Variants in LAMA1 observed in about 807,000 individuals in gnomAD.
LAMA1 encodes laminin subunit alpha 1.
In LAMA1, 219 loss-of-function variants were observed where a neutral mutation model predicts 348.7. The ratio of observed to expected loss-of-function variants is 0.63; its 90% CI spans 0.56 to 0.70. LAMA1 has a LOEUF of 0.70. LAMA1 is among the 30% of genes least tolerant of loss of function. The pLI is 0.00. For synonymous variants in LAMA1, 1,487 were observed against 1,491.0 expected, an observed-to-expected ratio of 1.00 and a Z score of 0.06; for missense variants, 3,744 against 3,888.0, an observed-to-expected ratio of 0.96 and a Z score of 0.99.
In LAMA1 at chr18:7,000,397, C is replaced by T. The variant is rs73938536; in HGVS notation, c.4383-400G>A. ...ATGAAAAACAGCAGAGGGAAGATGG[C>T]TGAACACACGCTGACGAAAAGAACT... On this transcript the variant is annotated intron_variant, in intron 30 of 62. Transcript: ENST00000389658. Among the ~76,000 whole-genome samples, 819 of 152,318 alleles carry T rather than the reference C, an allele frequency of 5.4e-3. 10 individuals carry two copies. Among genetic ancestry groups the T allele is most frequent in the African/African-American group, 0.019 (784 of 41,560 alleles).
At chr18:7,025,748 C>T (rs954106236) in intron 17 of LAMA1, among the ~76,000 whole-genome samples, 4 of 152,164 alleles carry the variant, frequency 2.6e-5, no homozygotes, top group East Asian at 1.9e-4. Flanking sequence ...AGAGGGAAAA[C>T]GGCGTGTATA....
intron 8 of LAMA1, 109 bp from the exon 9 acceptor site, chr18:7,042,359 T>C: frequency 2.7e-6 from 2 of 727,846 alleles, no homozygotes; most frequent in Admixed American, 2.0e-5. Flanking sequence ...ACTATTACGA[T>C]GATTTTGTGC....
chr18:7,069,342 C>G (rs1045021712), intron 3 of LAMA1, among the ~76,000 whole-genome samples: 9 of 152,200 alleles, frequency 5.9e-5, no homozygotes, highest in Non-Finnish European at 1.2e-4. Flanking sequence ...AAGCTCTTCA[C>G]CTCACCTAAA....
Position 6,999,595 on chromosome 18 carries a change from T to C in LAMA1, c.4513A>G (p.Ser1505Gly), listed in dbSNP as rs1287671145. Residue 1505 changes from serine to glycine, a missense_variant, in exon 32 of 63, where the codon AGT becomes GGT. This residue lies in a region of LAMA1 where 1,983 missense variants were observed against 1,934.3 expected (regional missense o/e 1.03). Transcript: ENST00000389658. ...GGGTTGCAGTCACACTTCTGGCAAC[T>C]GCCACCTGGTGTTTGAGGGTTCCCA... ...YYGNPQTPGG[S>G]CQKCDCNPHG... The C allele has an allele frequency of 1.2e-6, 2 of 1,613,736 alleles. No homozygotes were observed. Among genetic ancestry groups the C allele is most frequent in the East Asian group, 2.2e-5 (1 of 44,828 alleles).
At chr18:7,002,190 A>AC in intron 30 of LAMA1, 74 bp downstream of exon 30, 1 of 1,582,194 alleles carries the variant, frequency 6.3e-7, no homozygotes, top group South Asian at 1.1e-5. Context: ...CCACTCAGAG[A>AC]CCCTTGAAAA....
At chr18:7,083,280 G>C (rs1478377220) in intron 1 of LAMA1, among the ~76,000 whole-genome samples, 2 of 150,644 alleles carry the variant, frequency 1.3e-5, no homozygotes, top group East Asian at 2.0e-4. Context: ...CCACCTCCCG[G>C]GTTCAAGCGA....
chr18:6,946,209 A>G lies in LAMA1; in HGVS notation c.8844+954T>C, dbSNP rs112260805. 4.4e-3 allele frequency among the ~76,000 whole-genome samples: 675 copies of G among 152,306 alleles called. 1 individual carries two copies. Among genetic ancestry groups the G allele is most frequent in the South Asian group, 0.017 (84 of 4,818 alleles). ...CCACAAAAGGGAACGGACTGTTGATATGCACAACCACCCAGATGACCTTCC... is the reference window on the plus strand; with the variant it reads ...CCACAAAAGGGAACGGACTGTTGATGTGCACAACCACCCAGATGACCTTCC... On this transcript the variant is annotated intron_variant, in intron 61 of 62. Coordinates refer to ENST00000389658, the MANE Select transcript of LAMA1 (RefSeq NM_005559.4).
At chr18:7,093,045 G>T (rs925730000) in intron 1 of LAMA1, among the ~76,000 whole-genome samples, 1 of 152,184 alleles carries the variant, frequency 6.6e-6, no homozygotes, top group South Asian at 2.1e-4. Context: ...GAGGAGCAGA[G>T]AACTGGGTTT....
chr18:6,947,558 C>T (rs989213183), intron 60 of LAMA1, among the ~76,000 whole-genome samples: 2 of 152,174 alleles, frequency 1.3e-5, no homozygotes, highest in African/African-American at 4.8e-5. Context: ...CACAGAAGCA[C>T]GTGGCCCTGC....
rs750718641 is a variant in LAMA1 at position 6,942,167 on chromosome 18, T to G, written c.9140A>C (p.Lys3047Thr). ...GTCAAAGGACTGCACCTGCGGGCTC[T>G]TAATCAGAGCTAGCTTCCTCAAACA... is the stretch of plus-strand genomic sequence containing the variant. ...RGCLRKLALI[K>T]SPQVQSFDFS... Residue 3047 changes from lysine to threonine, a missense_variant, in exon 63 of 63, where the codon AAG becomes ACG. Coordinates refer to ENST00000389658, the MANE Select transcript of LAMA1 (RefSeq NM_005559.4). The G allele has an allele frequency of 2.5e-6, 4 of 1,614,196 alleles. No individual in the cohort carries two copies. Among genetic ancestry groups the G allele is most frequent in the Non-Finnish European group, 1.7e-6 (2 of 1,180,046 alleles).
intron 3 of LAMA1, among the ~76,000 whole-genome samples, chr18:7,070,824 C>T (rs1407486593): frequency 1.3e-5 from 2 of 151,752 alleles, no homozygotes; most frequent in East Asian, 3.9e-4. Flanking sequence ...CTGACCCTCA[C>T]TCCCACTGAA....
intron 1 of LAMA1, among the ~76,000 whole-genome samples, chr18:7,087,919 A>G (rs950262878): frequency 2.0e-5 from 3 of 152,236 alleles, no homozygotes; most frequent in African/African-American, 7.2e-5. Context: ...AGATCTCAAC[A>G]AATAGCTGCT....
At chr18:6,957,796 T>TTTTTTTTTTTA in intron 55 of LAMA1, among the ~76,000 whole-genome samples, 2 of 152,046 alleles carry the variant, frequency 1.3e-5, no homozygotes, top group African/African-American at 4.8e-5. Context: ...TTTTTTTTTC[T>TTTTTTTTTTTA]GAGACAGAGT....
chr18:6,947,076 T>A, intron 61 of LAMA1, 87 bp downstream of exon 61: 1 of 1,526,790 alleles, frequency 6.5e-7, no homozygotes, highest in African/African-American at 1.4e-5. Flanking sequence ...TGAAAATAGA[T>A]AGTTGTGAAT....
rs762965329 is a variant in LAMA1, at chr18:6,985,592, C to A, written c.5431G>T (p.Val1811Phe). ...EEQNLTSELI[V>F]QGRGLIDAAA... is the part of the protein sequence containing the mutation. ...GCATCTATCAATCCTCTTCCTTGGA[C>A]AATGAGCTCTGAGGTCAGATTTTGT... Residue 1811 changes from valine to phenylalanine, a missense_variant, in exon 38 of 63, where the codon GTC becomes TTC. This residue lies in a region of LAMA1 where 1,983 missense variants were observed against 1,934.3 expected (regional missense o/e 1.03). Coordinates refer to ENST00000389658, the MANE Select transcript of LAMA1 (RefSeq NM_005559.4). 2.5e-6 allele frequency: 4 copies of A among 1,614,128 alleles called. No homozygotes were observed. Among genetic ancestry groups the A allele is most frequent in the Non-Finnish European group, 3.4e-6 (4 of 1,180,016 alleles).
intron 25 of LAMA1, among the ~76,000 whole-genome samples, chr18:7,010,904 C>CCA (rs1243429612): frequency 5.9e-5 from 9 of 152,318 alleles, no homozygotes; most frequent in African/African-American, 2.2e-4. Flanking sequence ...GGGTCCCATA[C>CCA]CACGTAATGA....
chr18:7,092,054 C>A (rs1308220128), intron 1 of LAMA1, among the ~76,000 whole-genome samples: 1 of 152,202 alleles, frequency 6.6e-6, no homozygotes, highest in Non-Finnish European at 1.5e-5. Context: ...ATATATTTAA[C>A]AACAAAACAC....
Position 7,060,678 on chromosome 18 carries a change from C to T in LAMA1, c.346-9742G>A, listed in dbSNP as rs566850361. Among the ~76,000 whole-genome samples, 141 of 152,154 alleles carry T rather than the reference C, an allele frequency of 9.3e-4. 1 individual carries two copies. The highest frequency in any genetic ancestry group is 2.3e-3 in the Admixed American group (35 of 15,284). Reference sequence around the variant, plus strand: ...CACAGAGATACGAGCCCATTTAAAACGTAAATAGTAACCCATGATCGGTAA... The same window carrying T: ...CACAGAGATACGAGCCCATTTAAAATGTAAATAGTAACCCATGATCGGTAA... On this transcript the variant is annotated intron_variant, in intron 3 of 62. Transcript: ENST00000389658.
intron 3 of LAMA1, among the ~76,000 whole-genome samples, chr18:7,053,781 T>TTA (rs1491127555): frequency 1.5e-5 from 1 of 66,130 alleles, no homozygotes; most frequent in Non-Finnish European, 2.6e-5. Flanking sequence ...CATTAGAGGA[T>TTA]TTTTTTTTTT....
Sources: allele counts gnomAD v4.1 joint callset (sites outside exome capture counted in the v4.1 genomes callset), GRCh38; gene constraint gnomAD v4.1.1; regional missense constraint gnomAD v4.1.1; transcripts MANE v1.5; gene names NCBI Gene and HGNC (gene_info 2026-07-23, HGNC 2026-07-21).